The following RYR1 variants were observed in gnomAD, a reference collection of about 807,000 sequenced individuals.
RYR1 encodes the protein ryanodine receptor 1, also known as central core disease of muscle.
In RYR1, 342 loss-of-function variants were observed where a neutral mutation model predicts 583.5. The observed-to-expected ratio is 0.59, with a 90% confidence interval of 0.54 to 0.64. The LOEUF (loss-of-function observed/expected upper bound fraction) is 0.64, where lower values mean the gene tolerates loss of function less well. Among genes scored for constraint, RYR1 ranks in the 30% least tolerant of loss-of-function variants. The probability of loss-of-function intolerance (pLI) is 0.00; values close to 1 mark genes in which losing one functional copy is unlikely to be tolerated. For missense variants in RYR1, 6,032 were observed against 6,917.2 expected (o/e 0.87, Z 4.54); for synonymous variants, 2,791 against 2,822.5 (o/e 0.99, Z 0.35).
chr19:38,578,777 T>C (rs765360744), intron 99 of RYR1, among the ~76,000 whole-genome samples: 35 of 151,242 alleles, frequency 2.3e-4, no homozygotes, highest in Non-Finnish European at 2.2e-4. Context: ...GGCGACAGAA[T>C]GAGAATCCAT....
At chr19:38,549,698 C>CTT (rs71165559) in intron 89 of RYR1, among the ~76,000 whole-genome samples, 656 of 52,386 alleles carry the variant, frequency 0.013, 3 homozygotes, top group Non-Finnish European at 0.015. Context: ...CTTTCCTTTC[C>CTT]TTTTTTTTTT....
chr19:38,519,262 C>A lies in RYR1; in HGVS notation c.10067C>A (p.Ser3356Tyr). Residue 3356 changes from serine (S) to tyrosine (Y), a missense_variant, in exon 67 of 106, where the codon TCC becomes TAC. Physicochemically the swap from Ser to Tyr is moderately radical, Grantham distance 144. This residue lies in a region of RYR1 where 1,493 missense variants were observed against 1,715.5 expected (regional missense o/e 0.87). Coordinates refer to ENST00000359596, the MANE Select transcript of RYR1 (RefSeq NM_000540.3). ...CGTGCACGGCCGGAGCTCCTGCAGT[C>A]CCACTTCATCCCAACTATCGGGCGG... ...VSRARPELLQ[S>Y]HFIPTIGRLR... 1 of 1,614,134 alleles carries A rather than the reference C, an allele frequency of 6.2e-7. No homozygotes were observed. The highest frequency in any genetic ancestry group is 8.5e-7 in the Non-Finnish European group (1 of 1,180,024).
At position 38,490,628 on chromosome 19, in the gene RYR1, T is replaced by C. The variant is rs199947661; in HGVS notation, c.6023T>C (p.Met2008Thr). 8.4e-5 allele frequency: 134 copies of C among 1,601,906 alleles called. No homozygotes were observed. Among genetic ancestry groups the C allele is most frequent in the African/African-American group, 4.3e-4 (32 of 74,758 alleles). ...FRSPPQEQINMLLQFKDGTDE... is the reference protein window; with the variant it reads ...FRSPPQEQINTLLQFKDGTDE... ...TCTTTGACCTTCCCCTAGATCAATA[T>C]GCTATTGCAATTCAAAGATGGTACA... is the stretch of plus-strand genomic sequence containing the variant. The change falls in exon 37 of 106, where the codon ATG (methionine) becomes ACG (threonine). Residue 2008 changes from methionine (M) to threonine (T), a missense_variant. This residue lies in a region of RYR1 where 2,627 missense variants were observed against 2,961.3 expected (regional missense o/e 0.89). Transcript: ENST00000359596.
chr19:38,496,739 G>A lies in RYR1; in HGVS notation c.6797-121G>A, dbSNP rs1171323139. ...CCCAGAGTGGTCAGAGCTTGGATGA[G>A]GGAAGTACAGACCAGAGGAGGCACC... is the stretch of plus-strand genomic sequence containing the variant. On this transcript the variant is annotated intron_variant, in intron 41 of 105. Transcript: ENST00000359596. This position sits in a 1 kb window ranked among gnomAD's most constrained non-coding sequence, Gnocchi z 4.8. 6 of 1,157,012 alleles carry A rather than the reference G, an allele frequency of 5.2e-6. No homozygotes were observed. The highest frequency in any genetic ancestry group is 6.4e-6 in the Non-Finnish European group (5 of 775,202). 71.7% of individuals were successfully genotyped at this position (1,157,012 alleles called of 1,614,324 possible). A position where few individuals can be genotyped will look rare whatever the true frequency, so the allele number is the denominator to read the frequency against.
Position 38,475,450 on chromosome 19 carries a change from G to T in RYR1, c.4293G>T (p.Thr1431=). The T allele has an allele frequency of 6.2e-7, 1 of 1,613,328 alleles. No individual in the cohort carries two copies. Among genetic ancestry groups the T allele is most frequent in the Non-Finnish European group, 8.5e-7 (1 of 1,179,998 alleles). ...DDPEIILNTT[T]YYYSVRVFAG... is the part of the protein sequence containing the mutation. ...CCGAGATCATCCTCAACACCACCAC[G>T]GTGTGGACCAGTAACCCTCAATTTT... Residue 1431 remains threonine (T), a splice_region_variant and synonymous_variant, in exon 29 of 106, where the codon ACG becomes ACT. Coordinates refer to ENST00000359596, the MANE Select transcript of RYR1 (RefSeq NM_000540.3).
intron 67 of RYR1, 47 bp downstream of exon 67, chr19:38,519,501 C>T (rs369799437): frequency 1.1e-5 from 17 of 1,557,876 alleles, no homozygotes; most frequent in Admixed American, 3.8e-5. Context: ...CGACCTCCCA[C>T]GTCCTCCAGC....
In RYR1 at chr19:38,565,122, AGGGCGCGGGCGCGGCGGAGGC is replaced by A. The variant is rs928648668; in HGVS notation, c.12797_12817del (p.Gly4266_Ala4272del). 2.5e-5 allele frequency: 38 copies of A among 1,536,102 alleles called. No individual in the cohort carries two copies. Among genetic ancestry groups the A allele is most frequent in the Non-Finnish European group, 3.0e-5 (34 of 1,145,094 alleles). On this transcript the variant is annotated inframe_deletion, in exon 91 of 106. Transcript: ENST00000359596. This position sits in a 1 kb window ranked among gnomAD's most constrained non-coding sequence, Gnocchi z 4.7. ...GGCGAGCCGGAGACCGACGAGGACG[AGGGCGCGGGCGCGGCGGAGGC>A]GGGCGCGGAAGGCGCGGAGGAGGGC...
In RYR1 at chr19:38,458,285, C is replaced by G. The variant is rs200914778; in HGVS notation, c.2160C>G (p.Leu720=). ...CCTACGGCTTTGATGGACTGCATCTCTGGACAGGTACCTGACCCCTTCCAG... is the reference window on the plus strand; with the variant it reads ...CCTACGGCTTTGATGGACTGCATCTGTGGACAGGTACCTGACCCCTTCCAG... ...LYSYGFDGLH[L]WTGHVARPVT... Residue 720 remains leucine, a synonymous_variant, in exon 18 of 106, where the codon CTC becomes CTG. Coordinates refer to ENST00000359596, the MANE Select transcript of RYR1 (RefSeq NM_000540.3). 511 of 1,613,750 alleles carry G rather than the reference C, an allele frequency of 3.2e-4. No homozygotes were observed. The highest frequency in any genetic ancestry group is 4.1e-4 in the Non-Finnish European group (483 of 1,179,986).
intron 48 of RYR1, 43 bp from the exon 49 acceptor site, chr19:38,502,837 G>A (rs768772363): frequency 6.3e-6 from 10 of 1,587,724 alleles, no homozygotes; most frequent in South Asian, 3.4e-5. Flanking sequence ...GCAGCAGAGC[G>A]GGCCTGGACG....
chr19:38,492,662 G>A (rs1264119285), intron 38 of RYR1, 26 bp downstream of exon 38: 4 of 1,571,336 alleles, frequency 2.5e-6, no homozygotes, highest in Non-Finnish European at 8.7e-7. Context: ...ACTGGGGAGA[G>A]GGCAGGGGTG....
At chr19:38,548,476 C>CACTGCTACACAGTG in intron 89 of RYR1, 56 bp downstream of exon 89, 43 of 1,560,424 alleles carry the variant, frequency 2.8e-5, no homozygotes, top group Non-Finnish European at 3.5e-5. Flanking sequence ...CAAGGGCCAG[C>CACTGCTACACAGTG]CATACCCTTC....
At chr19:38,577,254 A>G (rs1908269545) in intron 97 of RYR1, among the ~76,000 whole-genome samples, 1 of 152,130 alleles carries the variant, frequency 6.6e-6, no homozygotes, top group South Asian at 2.1e-4. Flanking sequence ...GGGTAATAAT[A>G]CGGCCAACCC....
At chr19:38,534,456 C>T (rs1971876361) in intron 78 of RYR1, among the ~76,000 whole-genome samples, 1 of 152,218 alleles carries the variant, frequency 6.6e-6, no homozygotes, top group Non-Finnish European at 1.5e-5. Context: ...TCCAAGTTCA[C>T]AGATGGCCTG....
chr19:38,462,653 C>T (rs947737155), intron 20 of RYR1, among the ~76,000 whole-genome samples: 21 of 152,230 alleles, frequency 1.4e-4, no homozygotes, highest in African/African-American at 4.6e-4. Context: ...TTAATGATCT[C>T]ACTGAGTCCT....
intron 7 of RYR1, among the ~76,000 whole-genome samples, chr19:38,445,072 C>A (rs1972873229): frequency 6.6e-6 from 1 of 151,860 alleles, no homozygotes; most frequent in Admixed American, 6.6e-5. Context: ...GCCTGGCCAA[C>A]ATGGCGAAAC....
intron 35 of RYR1, 84 bp from the exon 36 acceptor site, chr19:38,489,991 GA>G: frequency 7.1e-7 from 1 of 1,400,668 alleles, no homozygotes; most frequent in Non-Finnish European, 1.0e-6. Flanking sequence ...GGGCCATGGA[GA>G]GGGGAGAGGA....
intron 11 of RYR1, among the ~76,000 whole-genome samples, chr19:38,451,354 T>C (rs1305732874): frequency 1.3e-5 from 2 of 152,032 alleles, no homozygotes; most frequent in Non-Finnish European, 2.9e-5. Flanking sequence ...AAAGGTGGTC[T>C]GGCATTCTAT....
At chr19:38,498,918 C>G (rs1055135856) in intron 42 of RYR1, among the ~76,000 whole-genome samples, 190 bp from the exon 43 acceptor site, 2 of 152,206 alleles carry the variant, frequency 1.3e-5, no homozygotes, top group Non-Finnish European at 2.9e-5. Flanking sequence ...CCCAGTAGGT[C>G]TCAAGCTCCT....
chr19:38,581,410 C>G (rs1974202596), intron 101 of RYR1, among the ~76,000 whole-genome samples: 1 of 151,982 alleles, frequency 6.6e-6, no homozygotes, highest in Admixed American at 6.6e-5. Context: ...CGGAGTTTCA[C>G]CATGTTGGCC....
Sources: gnomAD v4.1 joint callset for allele counts (sites outside exome capture counted in the v4.1 genomes callset) on GRCh38, gnomAD v4.1.1 for gene constraint, gnomAD v4.1.1 regional missense constraint, Gnocchi (gnomAD v3.1) non-coding constraint, MANE v1.5 for transcripts, NCBI Gene and HGNC (gene_info 2026-07-23, HGNC 2026-07-21) for gene names.